The following AGBL1 variants were observed in gnomAD, a reference collection of about 807,000 sequenced individuals.
AGBL1 encodes AGBL carboxypeptidase 1, also known as cytosolic carboxypeptidase 4.
AGBL1 carries 130 observed loss-of-function variants against 118.9 expected under a neutral mutation model. That is an observed-to-expected ratio of 1.09 (90% CI 0.95 to 1.26). The LOEUF (loss-of-function observed/expected upper bound fraction) is 1.26, where lower values mean the gene tolerates loss of function less well. Ranked by LOEUF, AGBL1 falls within the 50% of genes most tolerant of loss-of-function variation. The pLI is 0.00. For synonymous variants in AGBL1, 555 were observed against 478.9 expected (o/e 1.16, Z -2.08); for missense variants, 1,584 against 1,298.1 (o/e 1.22, Z -3.38).
intron 17 of AGBL1, among the ~76,000 whole-genome samples, chr15:86,395,425 C>T (rs1157117018): frequency 1.3e-5 from 2 of 152,082 alleles, no homozygotes; most frequent in Non-Finnish European, 1.5e-5. Flanking sequence ...GGCCTTACCT[C>T]TCTCAGTCAT....
chr15:86,996,764 T>C (rs922862796), intron 24 of AGBL1, among the ~76,000 whole-genome samples: 5 of 152,348 alleles, frequency 3.3e-5, no homozygotes, highest in Non-Finnish European at 7.3e-5. Flanking sequence ...TGGTTTTGAC[T>C]GATAAGAATC....
chr15:86,623,706 T>G (rs763133282), intron 21 of AGBL1, among the ~76,000 whole-genome samples: 1 of 152,264 alleles, frequency 6.6e-6, no homozygotes, highest in South Asian at 2.1e-4. Context: ...AATGACATGA[T>G]AGTGCTTTTC....
In AGBL1 at chr15:86,931,723, A is replaced by G. The variant is rs147963501; in HGVS notation, c.3222-56264A>G. Among the ~76,000 whole-genome samples the G allele has an allele frequency of 9.7e-3, 1,484 of 152,234 alleles. 30 individuals carry two copies. Among genetic ancestry groups the G allele is most frequent in the African/African-American group, 0.032 (1,345 of 41,520 alleles). ...GAGGTGGAGGGGGGACCTTGGGTAG[A>G]AATACTCTGAATTCTATTTTCCTAG... On this transcript the variant is annotated intron_variant, in intron 23 of 24. Coordinates refer to the AGBL1 transcript ENST00000441037.
chr15:86,267,654 AG>A (rs2079095884), intron 13 of AGBL1, among the ~76,000 whole-genome samples: 1 of 152,224 alleles, frequency 6.6e-6, no homozygotes, highest in African/African-American at 2.4e-5. Context: ...AGCCAAGGAA[AG>A]CCTAGGGCTG....
chr15:86,787,095 T>G (rs1271727040), intron 22 of AGBL1, among the ~76,000 whole-genome samples: 1 of 152,184 alleles, frequency 6.6e-6, no homozygotes, highest in African/African-American at 2.4e-5. Flanking sequence ...AAATATTTAA[T>G]GGGTATTCTT....
chr15:86,949,790 T>C (rs935058970), intron 23 of AGBL1, among the ~76,000 whole-genome samples: 2 of 152,132 alleles, frequency 1.3e-5, no homozygotes, highest in African/African-American at 2.4e-5. Flanking sequence ...TACAGTAATT[T>C]ATGAGCCTTT....
intron 21 of AGBL1, among the ~76,000 whole-genome samples, chr15:86,662,011 T>C (rs757625979): frequency 1.3e-5 from 2 of 152,238 alleles, no homozygotes; most frequent in Non-Finnish European, 2.9e-5. Flanking sequence ...TTCAGTTATG[T>C]AGAGGAATAA....
At chr15:86,889,465 G>T (rs1418492478) in intron 22 of AGBL1, among the ~76,000 whole-genome samples, 2 of 152,064 alleles carry the variant, frequency 1.3e-5, no homozygotes, top group Non-Finnish European at 2.9e-5. Context: ...TGCTATGGTG[G>T]TTTGCTGCAC....
At chr15:86,381,403 C>G (rs1010561440) in intron 17 of AGBL1, among the ~76,000 whole-genome samples, 6 of 148,994 alleles carry the variant, frequency 4.0e-5, no homozygotes, top group Non-Finnish European at 8.8e-5. Flanking sequence ...TGTTTTGGAG[C>G]TGATACACTT....
intron 23 of AGBL1, among the ~76,000 whole-genome samples, chr15:86,979,405 A>C (rs2081206520): frequency 2.0e-5 from 3 of 152,196 alleles, no homozygotes; most frequent in African/African-American, 2.4e-5. Flanking sequence ...TACATGATAC[A>C]ATTTAAGAGT....
chr15:86,944,877 G>A (rs1338233718), intron 23 of AGBL1, among the ~76,000 whole-genome samples: 1 of 152,124 alleles, frequency 6.6e-6, no homozygotes, highest in Non-Finnish European at 1.5e-5. Context: ...GGAGACTTTT[G>A]CAGGGAAAAG....
intron 24 of AGBL1, among the ~76,000 whole-genome samples, chr15:87,002,333 C>A (rs998632714): frequency 8.6e-5 from 13 of 152,012 alleles, no homozygotes; most frequent in Admixed American, 6.5e-5. Flanking sequence ...TTCCATTGTT[C>A]TATATCTCTG....
chr15:86,208,968 C>T (rs1408075521), intron 5 of AGBL1, among the ~76,000 whole-genome samples: 3 of 152,128 alleles, frequency 2.0e-5, no homozygotes, highest in Non-Finnish European at 4.4e-5. Flanking sequence ...TACAAATTTC[C>T]CTCTACAGAC....
intron 22 of AGBL1, among the ~76,000 whole-genome samples, chr15:86,700,029 GA>G (rs1287299944): frequency 6.6e-6 from 1 of 151,942 alleles, no homozygotes; most frequent in African/African-American, 2.4e-5. Flanking sequence ...TGGTAAGGAA[GA>G]GCTATTCCTT....
chr15:86,752,030 G>A (rs968819486), intron 22 of AGBL1, among the ~76,000 whole-genome samples: 1 of 152,130 alleles, frequency 6.6e-6, no homozygotes, highest in African/African-American at 2.4e-5. Flanking sequence ...GGTTCAATTT[G>A]TTCTCTATAT....
At position 86,371,202 on chromosome 15, in the gene AGBL1, T is replaced by C. The variant is rs532495455; in HGVS notation, c.2375-26164T>C. Among the ~76,000 whole-genome samples, 116 of 152,222 alleles carry C rather than the reference T, an allele frequency of 7.6e-4. 1 individual carries two copies. The highest frequency in any genetic ancestry group is 1.3e-4 in the Non-Finnish European group (9 of 68,008). On this transcript the variant is annotated intron_variant, in intron 17 of 22. Transcript: ENST00000614907. ...ACCTGCAAATCTGGAGAAAAGAGTGTTTTTTTAAAAAATTAAGTTGTGCTT... is the reference window on the plus strand; with the variant it reads ...ACCTGCAAATCTGGAGAAAAGAGTGCTTTTTTAAAAAATTAAGTTGTGCTT...
intron 18 of AGBL1, among the ~76,000 whole-genome samples, chr15:86,423,937 A>G (rs1167764052): frequency 5.9e-5 from 9 of 152,176 alleles, no homozygotes; most frequent in Admixed American, 5.9e-4. Flanking sequence ...GAACCAATAT[A>G]GAGAAAATGG....
intron 22 of AGBL1, among the ~76,000 whole-genome samples, chr15:86,773,402 T>C (rs2078208739): frequency 6.6e-6 from 1 of 151,834 alleles, no homozygotes; most frequent in South Asian, 2.1e-4. Flanking sequence ...CCATAGAAAG[T>C]GGATGTCAAT....
intron 24 of AGBL1, among the ~76,000 whole-genome samples, chr15:87,022,529 A>T (rs545004338): frequency 6.6e-6 from 1 of 152,232 alleles, no homozygotes; most frequent in South Asian, 2.1e-4. Context: ...TGGAAAATAT[A>T]TTTGGGGGAA....
Sources: allele counts gnomAD v4.1 joint callset (sites outside exome capture counted in the v4.1 genomes callset), GRCh38; gene constraint gnomAD v4.1.1; transcripts MANE v1.5; gene names NCBI Gene and HGNC (gene_info 2026-07-23, HGNC 2026-07-21).